The following EYA2 variants were observed in gnomAD, a reference collection of about 807,000 sequenced individuals.
The protein encoded by EYA2 is EYA transcriptional coactivator and phosphatase 2.
In EYA2, 31 loss-of-function variants were observed where a neutral mutation model predicts 69.2. The ratio of observed to expected loss-of-function variants is 0.45; its 90% confidence interval spans 0.34 to 0.60. EYA2 has a LOEUF of 0.60. Ranked by LOEUF, EYA2 falls within the 20% of genes least tolerant of loss-of-function variation. EYA2 has a pLI of 0.02. For missense variants in EYA2, 622 were observed against 701.2 expected, an observed-to-expected ratio of 0.89 and a Z score of 1.28; for synonymous variants, 257 against 279.4, an observed-to-expected ratio of 0.92 and a Z score of 0.80.
chr20:47,143,094 G>A lies in EYA2; in HGVS notation c.924G>A (p.Met308Ile), dbSNP rs777486517. 10 of 1,613,700 alleles carry A rather than the reference G, an allele frequency of 6.2e-6. No individual in the cohort carries two copies. In the African/African-American group the frequency reaches 1.1e-4, roughly 17 times the overall value. Residue 308 changes from methionine (M) to isoleucine (I), a missense_variant, in exon 10 of 16, where the codon ATG becomes ATA. Physicochemically the swap from Met to Ile is conservative, Grantham distance 10. This residue lies in a region of EYA2 where 257 missense variants were observed against 351.5 expected (regional missense o/e 0.73). Coordinates refer to ENST00000327619, the MANE Select transcript of EYA2 (RefSeq NM_005244.5). ...CGTCCGTGCGCATTGGCCTTATGAT[G>A]GAAGAGATGATCTTCAACCTTGCAG... ...TTTSVRIGLM[M>I]EEMIFNLADT... is the part of the protein sequence containing the mutation.
intron 1 of EYA2, among the ~76,000 whole-genome samples, chr20:46,927,716 G>A (rs1985477973): frequency 6.6e-6 from 1 of 152,264 alleles, no homozygotes; most frequent in Non-Finnish European, 1.5e-5. Flanking sequence ...GGGAATTATG[G>A]GAGCTACAGT....
chr20:46,946,266 G>A (rs80276386), intron 1 of EYA2, among the ~76,000 whole-genome samples: 7,135 of 152,234 alleles, frequency 0.047, 511 homozygotes, highest in African/African-American at 0.15. Context: ...GGTCTTGCCC[G>A]TGGAGACGAG....
chr20:47,033,553 G>C lies in EYA2; in HGVS notation c.415+17256G>C, dbSNP rs551194875. Among the ~76,000 whole-genome samples the C allele has an allele frequency of 1.5e-4, 23 of 152,308 alleles. No individual in the cohort carries two copies. The South Asian group carries it at 4.8e-3, about 32-fold the overall frequency. On this transcript the variant is annotated intron_variant, in intron 5 of 15. Transcript: ENST00000327619. Reference sequence around the variant, plus strand: ...AGTTGCTATGGCTGCCTTTAGTGCTGTTCCTGACACTGAATCATACACAAT... The same window carrying C: ...AGTTGCTATGGCTGCCTTTAGTGCTCTTCCTGACACTGAATCATACACAAT...
At chr20:46,957,248 C>T (rs987526691) in intron 1 of EYA2, among the ~76,000 whole-genome samples, 1 of 152,190 alleles carries the variant, frequency 6.6e-6, no homozygotes, top group African/African-American at 2.4e-5. Context: ...ACCCCTTCCT[C>T]CTTCTTTACT....
chr20:47,049,525 G>A (rs1457925779), intron 5 of EYA2, among the ~76,000 whole-genome samples: 2 of 150,502 alleles, frequency 1.3e-5, no homozygotes, highest in Non-Finnish European at 3.0e-5. Context: ...TTCACCTGCA[G>A]ATCTGGTTGT....
intron 11 of EYA2, among the ~76,000 whole-genome samples, chr20:47,172,430 C>T (rs941179512): frequency 6.6e-6 from 1 of 152,134 alleles, no homozygotes; most frequent in Non-Finnish European, 1.5e-5. Context: ...GGCAACAGCG[C>T]AAGACCCTGT....
chr20:47,047,414 T>C (rs2030101024), intron 5 of EYA2, among the ~76,000 whole-genome samples: 1 of 152,122 alleles, frequency 6.6e-6, no homozygotes. Flanking sequence ...TGAGACAAAG[T>C]CTCACTCCGT....
chr20:47,054,826 C>T (rs576185802), intron 5 of EYA2, among the ~76,000 whole-genome samples: 77 of 152,262 alleles, frequency 5.1e-4, no homozygotes, highest in African/African-American at 1.7e-3. Context: ...TTTGGACTCT[C>T]GCACACAAGT....
chr20:47,087,119 C>T (rs1325869840), intron 7 of EYA2, among the ~76,000 whole-genome samples: 1 of 152,148 alleles, frequency 6.6e-6, no homozygotes, highest in Admixed American at 6.5e-5. Flanking sequence ...AACACCCAGC[C>T]ATCCTGACAG....
chr20:47,047,472 C>T (rs371901107), intron 5 of EYA2, among the ~76,000 whole-genome samples: 24 of 152,110 alleles, frequency 1.6e-4, no homozygotes, highest in East Asian at 1.2e-3. Context: ...CTGCAACCTC[C>T]GCCTCCCGGG....
chr20:46,966,348 C>T (rs896112880), intron 1 of EYA2, among the ~76,000 whole-genome samples: 1 of 152,142 alleles, frequency 6.6e-6, no homozygotes, highest in Non-Finnish European at 1.5e-5. Context: ...GTGGCAGGTG[C>T]TGTTCTAAGC....
At chr20:46,968,071 G>A (rs1267688374) in intron 1 of EYA2, among the ~76,000 whole-genome samples, 1 of 152,192 alleles carries the variant, frequency 6.6e-6, no homozygotes, top group South Asian at 2.1e-4. Flanking sequence ...AAATGAAGGC[G>A]CCACATGAAT....
intron 2 of EYA2, among the ~76,000 whole-genome samples, chr20:47,000,039 G>T (rs866088102): frequency 6.6e-6 from 1 of 151,846 alleles, no homozygotes; most frequent in Non-Finnish European, 1.5e-5. Flanking sequence ...TCTGGAGCCA[G>T]ACCACCTGGG....
chr20:47,133,007 G>A (rs996345487), intron 9 of EYA2, among the ~76,000 whole-genome samples: 1 of 152,290 alleles, frequency 6.6e-6, no homozygotes, highest in Non-Finnish European at 1.5e-5. Flanking sequence ...GAATTGGCAC[G>A]TTGCATGCTG....
chr20:46,899,669 G>A (rs1197909470), intron 1 of EYA2, among the ~76,000 whole-genome samples: 12 of 152,182 alleles, frequency 7.9e-5, no homozygotes, highest in African/African-American at 2.9e-4. Context: ...AACAGGTGGT[G>A]CCGAGAGTCA....
chr20:46,950,827 C>T (rs1978751304), intron 1 of EYA2, among the ~76,000 whole-genome samples: 1 of 152,076 alleles, frequency 6.6e-6, no homozygotes, highest in Non-Finnish European at 1.5e-5. Flanking sequence ...GCCAATAGTT[C>T]ATTTAAGAGG....
intron 9 of EYA2, among the ~76,000 whole-genome samples, chr20:47,138,289 G>A (rs940087700): frequency 6.6e-6 from 1 of 152,002 alleles, no homozygotes; most frequent in Non-Finnish European, 1.5e-5. Flanking sequence ...TTTGAACAGA[G>A]GTACCACCTA....
intron 1 of EYA2, among the ~76,000 whole-genome samples, chr20:46,900,250 C>T (rs953946562): frequency 6.6e-6 from 1 of 152,104 alleles, no homozygotes; most frequent in African/African-American, 2.4e-5. Context: ...TATTTTTCCC[C>T]AAAGAATGAG....
intron 4 of EYA2, among the ~76,000 whole-genome samples, chr20:47,007,554 A>G (rs546894762): frequency 6.6e-6 from 1 of 152,260 alleles, no homozygotes; most frequent in Non-Finnish European, 1.5e-5. Flanking sequence ...GGAAGCCACT[A>G]GAGGGTTTAT....
Sources: gnomAD v4.1 joint callset for allele counts (sites outside exome capture counted in the v4.1 genomes callset) on GRCh38, gnomAD v4.1.1 for gene constraint, gnomAD v4.1.1 regional missense constraint, MANE v1.5 for transcripts, NCBI Gene and HGNC (gene_info 2026-07-23, HGNC 2026-07-21) for gene names.